TEX15: variants seen among roughly 807,000 people sequenced by gnomAD.
The protein encoded by TEX15 is testis-expressed protein 15.
TEX15 carries 171 observed loss-of-function variants against 237.3 expected under a neutral mutation model. The observed-to-expected ratio is 0.72, with a 90% CI of 0.64 to 0.82. TEX15 has a LOEUF of 0.82. TEX15 is among the 40% of genes least tolerant of loss of function. The probability of loss-of-function intolerance (pLI) is 0.00; values close to 1 mark genes in which losing one functional copy is unlikely to be tolerated. For synonymous variants in TEX15, 1,338 were observed against 1,269.8 expected, an observed-to-expected ratio of 1.05 and a Z score of -1.14; for missense variants, 3,750 against 3,646.5, an observed-to-expected ratio of 1.03 and a Z score of -0.73.
In TEX15 at chr8:30,845,343, A is replaced by C. The variant is rs766072798; in HGVS notation, c.4824T>G (p.Ala1608=). ...AATTACTTTCATTTATTACTTCATT[A>C]GCGTCACAACTGTTTTCTTTAGTTG... The part of the protein sequence containing the change: ...KDATKENSCD[A]NEVINESNSV... The change falls in exon 8 of 11, where the codon GCT becomes GCG. Residue 1608 remains alanine (A), a synonymous_variant. Transcript: ENST00000643185. 1 of 1,612,222 alleles carries C rather than the reference A, an allele frequency of 6.2e-7. No individual in the cohort carries two copies. Among genetic ancestry groups the C allele is most frequent in the Non-Finnish European group, 8.5e-7 (1 of 1,178,936 alleles).
In TEX15 at chr8:30,855,229, C is replaced by T. The variant is rs141300117; in HGVS notation, c.850+3439G>A. ...CACTAAAAAAAATCTATTAGAATAA[C>T]GAGTTCAGCAAGACTGCAGGATACA... On this transcript the variant is annotated intron_variant, in intron 7 of 10. Transcript: ENST00000643185. Among the ~76,000 whole-genome samples the T allele has an allele frequency of 1.4e-3, 215 of 152,134 alleles. 1 individual carries two copies. The highest frequency in any genetic ancestry group is 8.5e-4 in the Non-Finnish European group (58 of 67,982).
In TEX15 at chr8:30,846,177, T is replaced by TAG. The variant is rs1206104333; in HGVS notation, c.3988_3989dup (p.Thr1331Ter). 1 of 1,613,184 alleles carries TAG rather than the reference T, an allele frequency of 6.2e-7. No homozygotes were observed. Among genetic ancestry groups the TAG allele is most frequent in the African/African-American group, 1.3e-5 (1 of 74,860 alleles). On this transcript the variant is annotated frameshift_variant, in exon 8 of 11. Coordinates refer to ENST00000643185, the MANE Select transcript of TEX15 (RefSeq NM_001350162.2). LOFTEE classifies it high-confidence loss of function. ...AACACTCAGATGAGTCTTGACTGGT[T>TAG]AGCCTCCTCTTTCTCCCATAAATTT...
intron 2 of TEX15, among the ~76,000 whole-genome samples, chr8:30,896,129 G>A (rs1808901826): frequency 1.3e-5 from 2 of 152,172 alleles, no homozygotes; most frequent in Non-Finnish European, 1.5e-5. Flanking sequence ...CTAAATGCAG[G>A]ACAATGACGA....
At position 30,847,604 on chromosome 8, in the gene TEX15, AATTAAC is replaced by A. The variant is rs1327735355; in HGVS notation, c.2557_2562del (p.Val853_Asn854del). 1 of 1,612,676 alleles carries A rather than the reference AATTAAC, an allele frequency of 6.2e-7. No individual in the cohort carries two copies. Among genetic ancestry groups the A allele is most frequent in the East Asian group, 2.2e-5 (1 of 44,838 alleles). On this transcript the variant is annotated inframe_deletion, in exon 8 of 11. Transcript: ENST00000643185. ...TTTTCTCTATCTGTTTGTTTTTTGA[AATTAAC>A]ATTCAGCCATATATCATTGCTTAAC... is the stretch of plus-strand genomic sequence containing the variant.
intron 9 of TEX15, among the ~76,000 whole-genome samples, chr8:30,838,787 T>C (rs1191894860): frequency 1.3e-5 from 1 of 78,476 alleles, no homozygotes; most frequent in Non-Finnish European, 2.2e-5. Context: ...TATATATATA[T>C]ATATATATAT....
At chr8:30,871,226 A>G (rs1369241873) in intron 4 of TEX15, among the ~76,000 whole-genome samples, 2 of 152,038 alleles carry the variant, frequency 1.3e-5, no homozygotes, top group African/African-American at 4.8e-5. Context: ...CTGCTATGTA[A>G]GGTGATATAT....
chr8:30,859,233 G>T (rs1041569248), intron 6 of TEX15, among the ~76,000 whole-genome samples: 1 of 151,612 alleles, frequency 6.6e-6, no homozygotes, highest in African/African-American at 2.4e-5. Context: ...ATCATAATAT[G>T]ATTATATATA....
chr8:30,879,261 C>A (rs531838893), intron 3 of TEX15, among the ~76,000 whole-genome samples: 4 of 152,226 alleles, frequency 2.6e-5, no homozygotes, highest in African/African-American at 9.6e-5. Context: ...CAGAGTCTTT[C>A]GCAGAGCAAA....
At chr8:30,862,658 T>A (rs1215885200) in intron 5 of TEX15, among the ~76,000 whole-genome samples, 1 of 152,186 alleles carries the variant, frequency 6.6e-6, no homozygotes, top group Non-Finnish European at 1.5e-5. Context: ...GAACCACTGA[T>A]TTTCTGTAGC....
At position 30,833,011 on chromosome 8, in the gene TEX15, A is replaced by T; in HGVS notation, c.*275T>A. 1 of 262,220 alleles carries T rather than the reference A, an allele frequency of 3.8e-6. No homozygotes were observed. The highest frequency in any genetic ancestry group is 7.2e-6 in the Non-Finnish European group (1 of 139,630). 16.2% of individuals were successfully genotyped at this position (262,220 alleles called of 1,614,324 possible). A position where few individuals can be genotyped will look rare whatever the true frequency, so the allele number is the denominator to read the frequency against. On this transcript the variant is annotated 3_prime_UTR_variant, in exon 11 of 11. Coordinates refer to ENST00000643185, the MANE Select transcript of TEX15 (RefSeq NM_001350162.2). ...GTATTGAAACATATCAGAAGCAAGA[A>T]TCTAGTTTTAAAGATTTTACCACTA...
chr8:30,846,966 ATCT>A lies in TEX15; in HGVS notation c.3198_3200del (p.Glu1066del), dbSNP rs1807632794. The A allele has an allele frequency of 3.7e-6, 6 of 1,613,644 alleles. No individual in the cohort carries two copies. The highest frequency in any genetic ancestry group is 5.1e-6 in the Non-Finnish European group (6 of 1,179,730). On this transcript the variant is annotated inframe_deletion, in exon 8 of 11. Coordinates refer to ENST00000643185, the MANE Select transcript of TEX15 (RefSeq NM_001350162.2). Reference sequence around the variant, plus strand: ...GTTGAAATATAAAAGCATCATCACAATCTTCTAATTCTATTTCAATTTCACTTT... The same window carrying A: ...GTTGAAATATAAAAGCATCATCACAATCTAATTCTATTTCAATTTCACTTT...
intron 7 of TEX15, among the ~76,000 whole-genome samples, chr8:30,857,858 T>C (rs1807944302): frequency 6.6e-6 from 1 of 152,134 alleles, no homozygotes; most frequent in African/African-American, 2.4e-5. Context: ...CTCATTAGAC[T>C]GGCAGAAACA....
Position 30,844,517 on chromosome 8 carries a change from A to G in TEX15, c.5650T>C (p.Cys1884Arg). 4 of 1,612,970 alleles carry G rather than the reference A, an allele frequency of 2.5e-6. No homozygotes were observed. Among genetic ancestry groups the G allele is most frequent in the African/African-American group, 1.3e-5 (1 of 75,006 alleles). Residue 1884 changes from cysteine (C) to arginine (R), a missense_variant, in exon 8 of 11, where the codon TGC becomes CGC. Transcript: ENST00000643185. ...GTTGTAATAATTTTCTCATTTAAGC[A>G]GGATTCTTCTGAGATCTGATTCTTT... ...NQKNQISEES[C>R]LNEKIITTNL...
At chr8:30,840,186 T>G (rs1320759020) in intron 8 of TEX15, among the ~76,000 whole-genome samples, 1 of 151,644 alleles carries the variant, frequency 6.6e-6, no homozygotes, top group African/African-American at 2.4e-5. Context: ...TGTAACATTC[T>G]TCTTATCCTC....
chr8:30,908,321 A>G lies in TEX15; in HGVS notation c.-86+4558T>C, dbSNP rs565476651. On this transcript the variant is annotated intron_variant, in intron 1 of 10. Coordinates refer to ENST00000643185, the MANE Select transcript of TEX15 (RefSeq NM_001350162.2). ...GCGATCCTCCTGCCTCGGCATCCCA[A>G]ATTACTAGGATTACAGGTGTGAGCC... Among the ~76,000 whole-genome samples, 27 of 152,152 alleles carry G rather than the reference A, an allele frequency of 1.8e-4. 1 individual carries two copies. The South Asian group carries it at 5.6e-3, about 32-fold the overall frequency.
intron 9 of TEX15, among the ~76,000 whole-genome samples, chr8:30,839,167 T>C (rs1418518567): frequency 6.6e-6 from 1 of 152,028 alleles, no homozygotes; most frequent in Non-Finnish European, 1.5e-5. Context: ...TATGAGGAAA[T>C]ATTATGTTGA....
In TEX15 at chr8:30,859,971, A is replaced by G; in HGVS notation, c.627T>C (p.His209=). The G allele has an allele frequency of 6.6e-7, 1 of 1,520,686 alleles. No homozygotes were observed. The highest frequency in any genetic ancestry group is 8.8e-7 in the Non-Finnish European group (1 of 1,141,372). 94.2% of individuals were successfully genotyped at this position (1,520,686 alleles called of 1,614,324 possible). Residue 209 remains histidine (H), a synonymous_variant, in exon 6 of 11, where the codon CAT becomes CAC. Coordinates refer to ENST00000643185, the MANE Select transcript of TEX15 (RefSeq NM_001350162.2). The part of the protein sequence containing the change: ...SLDPSPNFDC[H]MSRNAPSLKD... ...TCAAAGAAGGTGCATTTCTTGACAT[A>G]TGGCAATCAAAGTTAGGAGAAGGAT...
At chr8:30,885,500 C>T (rs970074093) in intron 3 of TEX15, among the ~76,000 whole-genome samples, 2 of 152,048 alleles carry the variant, frequency 1.3e-5, no homozygotes, top group Admixed American at 6.6e-5. Flanking sequence ...CATTATAAAC[C>T]TCTTTCTTTT....
At chr8:30,873,715 C>T (rs2128773016) in intron 4 of TEX15, among the ~76,000 whole-genome samples, 1 of 152,228 alleles carries the variant, frequency 6.6e-6, no homozygotes, top group South Asian at 2.1e-4. Context: ...CAGTTTTGCA[C>T]TTTGAACACA....
Sources: gnomAD v4.1 joint callset for allele counts (sites outside exome capture counted in the v4.1 genomes callset) on GRCh38, gnomAD v4.1.1 for gene constraint, MANE v1.5 for transcripts, NCBI Gene and HGNC (gene_info 2026-07-23, HGNC 2026-07-21) for gene names.